ATRNL1: variants seen among roughly 807,000 people sequenced by gnomAD.
ATRNL1 encodes the protein attractin-like protein 1.
A neutral mutation model predicts 182.7 loss-of-function variants in ATRNL1; 95 were observed. The ratio of observed to expected loss-of-function variants is 0.52; its 90% confidence interval spans 0.44 to 0.62. The LOEUF is 0.62. Ranked by LOEUF, ATRNL1 falls within the 20% of genes least tolerant of loss-of-function variation. The pLI, the probability that ATRNL1 is intolerant of heterozygous loss-of-function variation, is 0.00. For missense variants in ATRNL1, 1,471 were observed against 1,679.5 expected, an observed-to-expected ratio of 0.88 and a Z score of 2.17; for synonymous variants, 576 against 568.3, an observed-to-expected ratio of 1.01 and a Z score of -0.19.
chr10:115,196,718 G>T (rs1848376479), intron 8 of ATRNL1, among the ~76,000 whole-genome samples: 1 of 151,990 alleles, frequency 6.6e-6, no homozygotes, highest in African/African-American at 2.4e-5. Flanking sequence ...ACAGCTGATT[G>T]CTAGTCTATG....
At chr10:115,388,850 A>G (rs1277482429) in intron 19 of ATRNL1, among the ~76,000 whole-genome samples, 1 of 151,712 alleles carries the variant, frequency 6.6e-6, no homozygotes, top group African/African-American at 2.4e-5. Flanking sequence ...TATATGTATT[A>G]TATGTTTGTG....
intron 20 of ATRNL1, among the ~76,000 whole-genome samples, chr10:115,418,162 T>G (rs1772680068): frequency 6.6e-6 from 1 of 152,128 alleles, no homozygotes. Context: ...TTCAATAAAT[T>G]TACTGAAGCT....
At chr10:115,569,794 C>A (rs1241956447) in intron 26 of ATRNL1, among the ~76,000 whole-genome samples, 1 of 141,138 alleles carries the variant, frequency 7.1e-6, no homozygotes, top group African/African-American at 2.7e-5. Context: ...TTTTTTTTAA[C>A]AATGTATTAC....
At chr10:115,342,951 G>A (rs782378150) in intron 19 of ATRNL1, among the ~76,000 whole-genome samples, 3 of 152,170 alleles carry the variant, frequency 2.0e-5, no homozygotes, top group Admixed American at 2.0e-4. Flanking sequence ...TTGTCTCCCG[G>A]CCCATAAGGT....
chr10:115,511,587 T>G (rs1376393894), intron 24 of ATRNL1, among the ~76,000 whole-genome samples: 1 of 151,902 alleles, frequency 6.6e-6, no homozygotes, highest in Non-Finnish European at 1.5e-5. Flanking sequence ...ACACATCAAT[T>G]TATCTTTCAT....
chr10:115,808,272 T>C (rs114980352), intron 27 of ATRNL1, among the ~76,000 whole-genome samples: 1,573 of 152,286 alleles, frequency 0.01, 33 homozygotes, highest in African/African-American at 0.036. Context: ...GGAAATGACA[T>C]AAATGACTTT....
chr10:115,150,795 A>G (rs1554880412), intron 5 of ATRNL1, among the ~76,000 whole-genome samples: 2 of 152,172 alleles, frequency 1.3e-5, no homozygotes, highest in African/African-American at 2.4e-5. Context: ...ATATATGTAT[A>G]CATGTGCCAT....
chr10:115,451,773 G>T (rs1847294495), intron 21 of ATRNL1, among the ~76,000 whole-genome samples: 1 of 152,020 alleles, frequency 6.6e-6, no homozygotes, highest in Non-Finnish European at 1.5e-5. Context: ...TATACCCAGA[G>T]GAGTATAAAT....
chr10:115,642,816 C>T lies in ATRNL1; in HGVS notation c.3796-84432C>T, dbSNP rs577127966. On this transcript the variant is annotated intron_variant, in intron 26 of 28. Coordinates refer to ENST00000355044, the MANE Select transcript of ATRNL1 (RefSeq NM_207303.4). ...GGAAATGCAAAGGAACTAAAATAGC[C>T]TGAGCAATTTTGAGAAAGAATGAAG... Among the ~76,000 whole-genome samples, 11 of 152,208 alleles carry T rather than the reference C, an allele frequency of 7.2e-5. 1 individual carries two copies. The South Asian group carries it at 2.3e-3, about 32-fold the overall frequency.
At chr10:115,271,874 C>A (rs1336873436) in intron 13 of ATRNL1, among the ~76,000 whole-genome samples, 1 of 152,096 alleles carries the variant, frequency 6.6e-6, no homozygotes, top group Admixed American at 6.6e-5. Context: ...GAAATATAAT[C>A]CCCGGTCTTG....
At chr10:115,622,290 CAA>C (rs777962454) in intron 26 of ATRNL1, among the ~76,000 whole-genome samples, 3 of 152,078 alleles carry the variant, frequency 2.0e-5, no homozygotes, top group African/African-American at 7.2e-5. Flanking sequence ...TGTTTTGAAA[CAA>C]AGAGAATATT....
intron 8 of ATRNL1, among the ~76,000 whole-genome samples, chr10:115,201,971 G>C (rs557374419): frequency 6.6e-6 from 1 of 151,968 alleles, no homozygotes; most frequent in Non-Finnish European, 1.5e-5. Flanking sequence ...GGATTCCTAA[G>C]TATTTTATTC....
At chr10:115,194,677 C>T (rs1044086098) in intron 8 of ATRNL1, among the ~76,000 whole-genome samples, 1 of 151,762 alleles carries the variant, frequency 6.6e-6, no homozygotes, top group African/African-American at 2.4e-5. Context: ...AGAATTTAGT[C>T]CGTTTACATT....
intron 26 of ATRNL1, among the ~76,000 whole-genome samples, chr10:115,638,219 A>T (rs188058496): frequency 1.3e-5 from 2 of 152,258 alleles, no homozygotes; most frequent in African/African-American, 4.8e-5. Flanking sequence ...AGATATATAG[A>T]CACTTACCGT....
chr10:115,523,777 T>A (rs1041390408), intron 25 of ATRNL1, among the ~76,000 whole-genome samples: 12 of 152,232 alleles, frequency 7.9e-5, no homozygotes, highest in African/African-American at 2.4e-4. Context: ...TGTTCCAAAC[T>A]TTCCCTCATT....
chr10:115,270,371 C>CTTTTATATATAATATATAAATA (rs1564868409), intron 13 of ATRNL1, among the ~76,000 whole-genome samples: 13 of 134,120 alleles, frequency 9.7e-5, no homozygotes, highest in African/African-American at 3.2e-4. Context: ...ATATATAAAT[C>CTTTTATATATAATATATAAATA]TATTATATAA....
rs191796092 is a variant in ATRNL1 at position 115,723,287 on chromosome 10, C to T, written c.3796-3961C>T. ...AGTCATGTAGTAGGAGGTATGAAGA[C>T]AATTGCAGGCAGAGTTAGTCACTGC... On this transcript the variant is annotated intron_variant, in intron 26 of 28. Coordinates refer to ENST00000355044, the MANE Select transcript of ATRNL1 (RefSeq NM_207303.4). 4.2e-3 allele frequency among the ~76,000 whole-genome samples: 639 copies of T among 152,146 alleles called. 6 individuals carry two copies. The highest frequency in any genetic ancestry group is 5.7e-3 in the Non-Finnish European group (385 of 68,000).
intron 24 of ATRNL1, among the ~76,000 whole-genome samples, chr10:115,486,195 G>C (rs1330679295): frequency 2.0e-5 from 3 of 151,980 alleles, no homozygotes; most frequent in Non-Finnish European, 4.4e-5. Flanking sequence ...GAACAGTGCC[G>C]CAATAAACAT....
chr10:115,099,728 TATCTTCTGTAATAGGCATTTATTCAA>T (rs1554864124), intron 1 of ATRNL1, among the ~76,000 whole-genome samples: 1 of 152,202 alleles, frequency 6.6e-6, no homozygotes, highest in Non-Finnish European at 1.5e-5. Context: ...GCCATCCGTA[TATCTTCTGTAATAGGCATTTATTCAA>T]ACCTTTTGCA....
Sources: allele counts gnomAD v4.1 joint callset (sites outside exome capture counted in the v4.1 genomes callset), GRCh38; gene constraint gnomAD v4.1.1; transcripts MANE v1.5; gene names NCBI Gene and HGNC (gene_info 2026-07-23, HGNC 2026-07-21).